Variants in MTCL1 observed in about 807,000 individuals in gnomAD.
The protein encoded by MTCL1 is microtubule crosslinking factor 1, also known as microtubule cross-linking factor 1.
Under a neutral mutation model 141.4 loss-of-function variants are expected in MTCL1, and 79 were observed. That is an observed-to-expected ratio of 0.56 (90% CI 0.47 to 0.67). The LOEUF (loss-of-function observed/expected upper bound fraction) is 0.67, where lower values mean the gene tolerates loss of function less well. Ranked by LOEUF, MTCL1 falls within the 30% of genes least tolerant of loss-of-function variation. The pLI, the probability that MTCL1 is intolerant of heterozygous loss-of-function variation, is 0.00. For synonymous variants in MTCL1, 914 were observed against 875.8 expected (o/e 1.04, Z -0.77); for missense variants, 2,177 against 2,113.9 (o/e 1.03, Z -0.59).
intron 10 of MTCL1, among the ~76,000 whole-genome samples, chr18:8,806,550 C>T (rs950863164): frequency 3.9e-5 from 6 of 152,146 alleles, no homozygotes; most frequent in African/African-American, 1.4e-4. Flanking sequence ...AGTTTCCTTG[C>T]TCCTGCTCCT....
chr18:8,708,129 C>A (rs1026584699), intron 1 of MTCL1, among the ~76,000 whole-genome samples: 11 of 152,230 alleles, frequency 7.2e-5, no homozygotes, highest in African/African-American at 2.7e-4. Flanking sequence ...TGTAAATCTT[C>A]AACAAATGTA....
At chr18:8,819,139 G>T in exon 13 of MTCL1, 1 of 1,614,254 alleles carries the variant, frequency 6.2e-7, no homozygotes, top group Middle Eastern at 1.6e-4. Flanking sequence ...CCAAGCTGAA[G>T]GAGTCGGACA....
At chr18:8,742,635 A>G (rs952473265) in intron 4 of MTCL1, among the ~76,000 whole-genome samples, 38 of 152,342 alleles carry the variant, frequency 2.5e-4, no homozygotes, top group South Asian at 8.3e-4. Context: ...CGTGGGGATC[A>G]TTACAATTCA....
At chr18:8,708,592 C>G (rs780008975) in intron 1 of MTCL1, among the ~76,000 whole-genome samples, 1 of 152,194 alleles carries the variant, frequency 6.6e-6, no homozygotes, top group Admixed American at 6.5e-5. Flanking sequence ...TTTACTGCAC[C>G]GGGATGCAGC....
At chr18:8,733,781 A>C (rs1032474652) in intron 4 of MTCL1, among the ~76,000 whole-genome samples, 1 of 152,092 alleles carries the variant, frequency 6.6e-6, no homozygotes, top group African/African-American at 2.4e-5. Flanking sequence ...CGCAGGTGGG[A>C]GTGGGCCGGC....
At chr18:8,827,979 C>T (rs1398682945) in intron 15 of MTCL1, among the ~76,000 whole-genome samples, 1 of 152,196 alleles carries the variant, frequency 6.6e-6, no homozygotes, top group Non-Finnish European at 1.5e-5. Flanking sequence ...AGCACAGTTG[C>T]AGGGCCTCAG....
rs1461060695 is a variant in MTCL1, at chr18:8,828,151, G to A, written c.4723-757G>A. On this transcript the variant is annotated intron_variant, in intron 15 of 16. Coordinates refer to ENST00000359865, the Ensembl canonical transcript of MTCL1. The surrounding 1 kb of genome is among the most constrained non-coding windows in gnomAD (Gnocchi z 5.2). ...TTCCCATTGCTCCATGAATTATGCA[G>A]TAGTTCTCGGTATGCGTTCCCAAAT... 6.6e-6 allele frequency among the ~76,000 whole-genome samples: 1 copy of A among 152,148 alleles called. No homozygotes were observed. The highest frequency in any genetic ancestry group is 1.5e-5 in the Non-Finnish European group (1 of 68,034).
chr18:8,796,451 G>A (rs1350097685), exon 9 of MTCL1: 3 of 1,614,132 alleles, frequency 1.9e-6, no homozygotes, highest in Non-Finnish European at 2.5e-6. Context: ...GGAAGGAGAG[G>A]AGTTCACTGA....
chr18:8,715,843 G>T (rs535494340), upstream of MTCL1, among the ~76,000 whole-genome samples: 1 of 152,166 alleles, frequency 6.6e-6, no homozygotes, highest in Non-Finnish European at 1.5e-5. Flanking sequence ...CAGTGATCAG[G>T]CATCAGTAAC....
At chr18:8,744,074 A>G (rs1363174172) in intron 4 of MTCL1, among the ~76,000 whole-genome samples, 1 of 152,200 alleles carries the variant, frequency 6.6e-6, no homozygotes, top group Non-Finnish European at 1.5e-5. Flanking sequence ...TCATTTTTAT[A>G]TGTCTTTAAG....
chr18:8,706,275 C>T, exon 1 of MTCL1: 1 of 1,229,396 alleles, frequency 8.1e-7, no homozygotes, highest in East Asian at 3.2e-5. Context: ...GCATCAGCCA[C>T]ACGGACAGCA....
At chr18:8,790,255 T>C (rs550313497) in intron 7 of MTCL1, among the ~76,000 whole-genome samples, 5 of 152,344 alleles carry the variant, frequency 3.3e-5, no homozygotes, top group Admixed American at 6.5e-5. Flanking sequence ...TCTTAACATA[T>C]ATATTATTTA....
chr18:8,725,777 TTTTTTTTTTTTTC>T (rs946812948), intron 4 of MTCL1, among the ~76,000 whole-genome samples: 7 of 48,548 alleles, frequency 1.4e-4, no homozygotes, highest in African/African-American at 6.5e-4. Flanking sequence ...TGCCATTTTC[TTTTTTTTTTTTTC>T]TTTTTTTTTT....
chr18:8,765,314 C>T (rs1348250261), intron 4 of MTCL1, among the ~76,000 whole-genome samples: 2 of 152,224 alleles, frequency 1.3e-5, no homozygotes, highest in African/African-American at 4.8e-5. Flanking sequence ...GAGACACACT[C>T]ACGCTCTGCC....
chr18:8,709,050 C>G (rs2096072835), intron 1 of MTCL1, among the ~76,000 whole-genome samples: 1 of 152,194 alleles, frequency 6.6e-6, no homozygotes. Context: ...GTGGAGCCTG[C>G]CCACATGTGC....
At chr18:8,751,816 G>T (rs1448625293) in intron 4 of MTCL1, among the ~76,000 whole-genome samples, 1 of 152,236 alleles carries the variant, frequency 6.6e-6, no homozygotes, top group Non-Finnish European at 1.5e-5. Context: ...AGTTGGGGCA[G>T]ATGGAGCCGT....
intron 4 of MTCL1, among the ~76,000 whole-genome samples, chr18:8,777,449 A>G (rs2096515662): frequency 6.6e-6 from 1 of 152,190 alleles, no homozygotes; most frequent in Non-Finnish European, 1.5e-5. Flanking sequence ...TTGGAACGTG[A>G]ACCAGCTCCA....
intron 8 of MTCL1, among the ~76,000 whole-genome samples, 200 bp downstream of exon 7, chr18:8,793,320 C>A (rs2075803259): frequency 1.3e-5 from 2 of 151,926 alleles, no homozygotes; most frequent in South Asian, 4.2e-4. Flanking sequence ...TGCTCTGGCA[C>A]ATGCTTTTCA....
At chr18:8,768,167 G>GT (rs1250232559) in intron 4 of MTCL1, among the ~76,000 whole-genome samples, 1 of 152,156 alleles carries the variant, frequency 6.6e-6, no homozygotes, top group Non-Finnish European at 1.5e-5. Context: ...CATTCACACT[G>GT]TATGTTAACA....
Sources: gnomAD v4.1 joint callset for allele counts (sites outside exome capture counted in the v4.1 genomes callset) on GRCh38, gnomAD v4.1.1 for gene constraint, Gnocchi (gnomAD v3.1) non-coding constraint, MANE v1.5 for transcripts, NCBI Gene and HGNC (gene_info 2026-07-23, HGNC 2026-07-21) for gene names.